Variants in MKLN1 observed in about 807,000 individuals in gnomAD.
MKLN1 encodes muskelin 1.
MKLN1 carries 18 observed loss-of-function variants against 99.0 expected under a neutral mutation model. The ratio of observed to expected loss-of-function variants is 0.18; its 90% confidence interval spans 0.13 to 0.27. The LOEUF (loss-of-function observed/expected upper bound fraction) is 0.27, where lower values mean the gene tolerates loss of function less well. MKLN1 is among the 10% of genes least tolerant of loss of function. MKLN1 has a pLI of 1.00. For missense variants in MKLN1, 621 were observed against 875.9 expected, an observed-to-expected ratio of 0.71 and a Z score of 3.67; for synonymous variants, 288 against 293.2, an observed-to-expected ratio of 0.98 and a Z score of 0.18.
chr7:131,319,420 A>T (rs1166890259), intron 3 of MKLN1, among the ~76,000 whole-genome samples: 1 of 152,174 alleles, frequency 6.6e-6, no homozygotes, highest in Non-Finnish European at 1.5e-5. Flanking sequence ...CTCTCAATAA[A>T]CTAGGTATTG....
intron 17 of MKLN1, among the ~76,000 whole-genome samples, chr7:131,479,768 A>C (rs999290216): frequency 1.3e-5 from 2 of 151,994 alleles, no homozygotes; most frequent in East Asian, 3.9e-4. Context: ...CAGAGCTCGC[A>C]GTGAGCCGAG....
intron 6 of MKLN1, among the ~76,000 whole-genome samples, chr7:131,400,518 A>AAATATATATAT (rs527702723): frequency 0.026 from 3,591 of 137,170 alleles, 59 homozygotes; most frequent in Middle Eastern, 0.048. Context: ...ATAAAAAAAA[A>AAATATATATAT]ATATATATAT....
At chr7:131,338,555 T>C (rs1176874011) in intron 1 of MKLN1, among the ~76,000 whole-genome samples, 1 of 152,232 alleles carries the variant, frequency 6.6e-6, no homozygotes, top group Admixed American at 6.5e-5. Flanking sequence ...TAATACAGTT[T>C]TTCTAGTTTA....
At chr7:131,311,819 T>G (rs1036804070) in intron 3 of MKLN1, among the ~76,000 whole-genome samples, 1 of 131,448 alleles carries the variant, frequency 7.6e-6, no homozygotes, top group African/African-American at 2.5e-5. Context: ...CAACAGAATC[T>G]CTCTTTCCCA....
At chr7:131,325,702 CAAAAA>C (rs3837072), upstream of MKLN1, among the ~76,000 whole-genome samples, 7,256 of 144,816 alleles carry the variant, frequency 0.05, 366 homozygotes, top group Admixed American at 0.18. Flanking sequence ...GATTCTGTCT[CAAAAA>C]AAAAAAACCA....
At chr7:131,286,946 T>A (rs961895539) in intron 3 of MKLN1, among the ~76,000 whole-genome samples, 4 of 152,028 alleles carry the variant, frequency 2.6e-5, no homozygotes, top group Non-Finnish European at 5.9e-5. Flanking sequence ...TATATACTTT[T>A]AAAAAAATTA....
chr7:131,490,073 T>C lies in MKLN1; in HGVS notation c.*2345T>C, dbSNP rs531352513. 10 of 152,718 alleles carry C rather than the reference T, an allele frequency of 6.5e-5. No individual in the cohort carries two copies. The South Asian group carries it at 1.9e-3, about 28-fold the overall frequency. 9.5% of individuals were successfully genotyped at this position (152,718 alleles called of 1,614,324 possible). ...GTGCTTCATATATCCATGACCAAGA[T>C]TGACATGTTGCTCACAACATGTCAC... On this transcript the variant is annotated 3_prime_UTR_variant, in exon 18 of 18. Transcript: ENST00000352689.
intron 3 of MKLN1, among the ~76,000 whole-genome samples, chr7:131,212,098 A>G (rs1463673783): frequency 1.3e-5 from 2 of 152,236 alleles, no homozygotes; most frequent in African/African-American, 2.4e-5. Context: ...CATCACTACA[A>G]AGAATGGCTG....
intron 12 of MKLN1, among the ~76,000 whole-genome samples, chr7:131,448,083 C>A (rs571578749): frequency 6.6e-6 from 1 of 152,216 alleles, no homozygotes; most frequent in African/African-American, 2.4e-5. Flanking sequence ...AAAAAATTAG[C>A]TGGGCGTGGT....
At chr7:131,195,452 A>G (rs1796628938) in intron 2 of MKLN1, among the ~76,000 whole-genome samples, 1 of 151,872 alleles carries the variant, frequency 6.6e-6, no homozygotes, top group Admixed American at 6.6e-5. Flanking sequence ...TGGAGGTTGC[A>G]ACGAGCCAAG....
intron 12 of MKLN1, among the ~76,000 whole-genome samples, chr7:131,460,024 C>G (rs906914194): frequency 6.6e-6 from 1 of 152,076 alleles, no homozygotes; most frequent in Non-Finnish European, 1.5e-5. Flanking sequence ...CTAACTATGT[C>G]TGTAGTTTCA....
At chr7:131,373,512 T>A (rs1793532910) in intron 1 of MKLN1, among the ~76,000 whole-genome samples, 1 of 152,180 alleles carries the variant, frequency 6.6e-6, no homozygotes, top group Admixed American at 6.5e-5. Context: ...ACTGTGCTTT[T>A]TAAAAAAATT....
At chr7:131,434,763 A>G (rs940117956) in intron 9 of MKLN1, among the ~76,000 whole-genome samples, 1 of 152,150 alleles carries the variant, frequency 6.6e-6, no homozygotes, top group African/African-American at 2.4e-5. Flanking sequence ...TATGTTGAAC[A>G]TGCAGAGGAG....
chr7:131,379,224 A>T (rs1030964972), intron 2 of MKLN1, among the ~76,000 whole-genome samples: 2 of 152,200 alleles, frequency 1.3e-5, no homozygotes, highest in African/African-American at 4.8e-5. Context: ...TCTAGGCCTC[A>T]GGCATTCTCC....
intron 3 of MKLN1, among the ~76,000 whole-genome samples, chr7:131,283,029 G>A (rs1420795672): frequency 6.6e-6 from 1 of 152,174 alleles, no homozygotes; most frequent in African/African-American, 2.4e-5. Context: ...GGGGAATTGG[G>A]CCTGTGCAAC....
chr7:131,381,537 AAGTG>A (rs1423635471), intron 2 of MKLN1, among the ~76,000 whole-genome samples: 1 of 152,200 alleles, frequency 6.6e-6, no homozygotes, highest in Admixed American at 6.5e-5. Context: ...CAAATACTAA[AAGTG>A]AGAATCAAAA....
intron 6 of MKLN1, among the ~76,000 whole-genome samples, chr7:131,409,511 T>A (rs1174418525): frequency 3.9e-5 from 6 of 152,182 alleles, no homozygotes; most frequent in Admixed American, 3.9e-4. Context: ...TTGGTGAGCG[T>A]GCCTGTAGGA....
chr7:131,487,623 T>C lies in MKLN1; in HGVS notation c.2103T>C (p.Asp701=), dbSNP rs1430066161. The change falls in exon 18 of 18, where the codon GAT becomes GAC. Residue 701 remains aspartate (D), a synonymous_variant. Coordinates refer to ENST00000352689, the MANE Select transcript of MKLN1 (RefSeq NM_013255.5). The surrounding 1 kb of genome is among the most constrained non-coding windows in gnomAD (Gnocchi z 4.7). ...DFTALGFSDV[D]HTYAQRTQLF... Reference sequence around the variant, plus strand: ...CTTCACCAGGCTTTTCTGATGTGGATCACACCTATGCTCAAAGAACTCAGC... The same window carrying C: ...CTTCACCAGGCTTTTCTGATGTGGACCACACCTATGCTCAAAGAACTCAGC... The C allele has an allele frequency of 6.2e-7, 1 of 1,612,616 alleles. No individual in the cohort carries two copies. Among genetic ancestry groups the C allele is most frequent in the South Asian group, 1.1e-5 (1 of 90,944 alleles).
At chr7:131,128,426 G>T (rs1305157102) in intron 1 of MKLN1, among the ~76,000 whole-genome samples, 1 of 152,094 alleles carries the variant, frequency 6.6e-6, no homozygotes, top group African/African-American at 2.4e-5. Context: ...TAAAAGAAAA[G>T]CATTGTACTT....
Sources: allele counts gnomAD v4.1 joint callset (sites outside exome capture counted in the v4.1 genomes callset), GRCh38; gene constraint gnomAD v4.1.1; non-coding constraint Gnocchi (gnomAD v3.1); transcripts MANE v1.5; gene names NCBI Gene and HGNC (gene_info 2026-07-23, HGNC 2026-07-21).